The following DLG2 variants were observed in gnomAD, a reference collection of about 807,000 sequenced individuals.
DLG2 encodes the protein disks large homolog 2.
Under a neutral mutation model 132.5 loss-of-function variants are expected in DLG2, and 45 were observed. The observed-to-expected ratio is 0.34, with a 90% CI of 0.27 to 0.44. DLG2 has a LOEUF of 0.44. DLG2 is among the 20% of genes least tolerant of loss of function. DLG2 has a pLI of 1.00. For synonymous variants in DLG2, 424 were observed against 419.6 expected (o/e 1.01, Z -0.13); for missense variants, 1,045 against 1,196.9 (o/e 0.87, Z 1.87).
intron 6 of DLG2, among the ~76,000 whole-genome samples, chr11:84,816,782 A>C (rs1020492606): frequency 6.6e-6 from 1 of 151,986 alleles, no homozygotes; most frequent in African/African-American, 2.4e-5. Context: ...ATTGCCTCAG[A>C]AATAATAATA....
chr11:83,571,458 T>G (rs756906193), intron 19 of DLG2, among the ~76,000 whole-genome samples: 5 of 152,124 alleles, frequency 3.3e-5, no homozygotes, highest in Non-Finnish European at 5.9e-5. Context: ...TTTACATGAC[T>G]TTCTGAGCCT....
rs1380097607 is a variant in DLG2 at position 84,811,012 on chromosome 11, T to C, written c.358-276281A>G. Among the ~76,000 whole-genome samples, 3 of 152,142 alleles carry C rather than the reference T, an allele frequency of 2.0e-5. No individual in the cohort carries two copies. In the East Asian group the frequency reaches 5.8e-4, roughly 29 times the overall value. On this transcript the variant is annotated intron_variant, in intron 6 of 27. Coordinates refer to ENST00000376104, the MANE Select transcript of DLG2 (RefSeq NM_001142699.3). ...AAGAAAGTTATCTTCATCTTGACTG[T>C]GTAAATATTTTGATTGTAATATTGT...
intron 3 of DLG2, among the ~76,000 whole-genome samples, chr11:85,308,837 A>T (rs184922564): frequency 6.6e-6 from 1 of 152,278 alleles, no homozygotes; most frequent in Admixed American, 6.5e-5. Flanking sequence ...GACTATAGAG[A>T]GTACTTTACA....
intron 16 of DLG2, among the ~76,000 whole-genome samples, chr11:83,866,206 T>C (rs946224290): frequency 6.6e-6 from 1 of 152,178 alleles, no homozygotes; most frequent in Non-Finnish European, 1.5e-5. Context: ...ATTATATTCC[T>C]AATTGAATTT....
At chr11:83,892,407 A>C (rs1309263333) in intron 15 of DLG2, among the ~76,000 whole-genome samples, 1 of 152,222 alleles carries the variant, frequency 6.6e-6, no homozygotes, top group Admixed American at 6.5e-5. Context: ...TTTAGTATTC[A>C]TAGCCATTAG....
intron 6 of DLG2, among the ~76,000 whole-genome samples, chr11:84,543,497 T>A (rs1174047472): frequency 6.6e-6 from 1 of 152,160 alleles, no homozygotes; most frequent in Non-Finnish European, 1.5e-5. Flanking sequence ...ATTCGCTGGA[T>A]GTTTGTCTCC....
chr11:85,247,907 G>GT (rs1167208645), intron 4 of DLG2, among the ~76,000 whole-genome samples: 1 of 151,844 alleles, frequency 6.6e-6, no homozygotes, highest in East Asian at 1.9e-4. Flanking sequence ...CATTGCTTTG[G>GT]TCCCCTTCCA....
intron 15 of DLG2, among the ~76,000 whole-genome samples, chr11:83,879,562 TA>T (rs1045143704): frequency 2.0e-5 from 3 of 152,148 alleles, no homozygotes; most frequent in African/African-American, 7.2e-5. Context: ...TCACTATTCT[TA>T]AAAAGAAGAG....
At chr11:83,752,937 C>A (rs1268690357) in intron 18 of DLG2, among the ~76,000 whole-genome samples, 1 of 152,160 alleles carries the variant, frequency 6.6e-6, no homozygotes, top group African/African-American at 2.4e-5. Flanking sequence ...GGAAGCTCAG[C>A]AGCTGACAAT....
At chr11:83,989,535 A>G (rs1451894142) in intron 11 of DLG2, among the ~76,000 whole-genome samples, 1 of 152,140 alleles carries the variant, frequency 6.6e-6, no homozygotes, top group Non-Finnish European at 1.5e-5. Context: ...TTCTTAGAGG[A>G]GAAGGAGAAT....
At chr11:83,977,523 C>A (rs2092380523) in intron 12 of DLG2, among the ~76,000 whole-genome samples, 1 of 151,924 alleles carries the variant, frequency 6.6e-6, no homozygotes, top group African/African-American at 2.4e-5. Context: ...AAATTTTTGC[C>A]CTTAAGTAGT....
At chr11:85,212,735 T>C (rs1439397575) in intron 4 of DLG2, among the ~76,000 whole-genome samples, 1 of 152,266 alleles carries the variant, frequency 6.6e-6, no homozygotes, top group Middle Eastern at 3.4e-3. Flanking sequence ...AACTAAGGCA[T>C]TGAGAAGTTA....
At chr11:84,756,752 T>G (rs11234158) in intron 6 of DLG2, among the ~76,000 whole-genome samples, 1 of 152,030 alleles carries the variant, frequency 6.6e-6, no homozygotes, top group Non-Finnish European at 1.5e-5. Flanking sequence ...TTTTTTGTGA[T>G]TTTTTTTAAT....
chr11:84,965,711 A>G (rs1468207117), intron 6 of DLG2, among the ~76,000 whole-genome samples: 1 of 152,060 alleles, frequency 6.6e-6, no homozygotes, highest in Non-Finnish European at 1.5e-5. Flanking sequence ...ATGCATTTCA[A>G]TTACTAGAGG....
At chr11:83,666,671 G>GAAA (rs2075645759) in intron 18 of DLG2, among the ~76,000 whole-genome samples, 1 of 152,088 alleles carries the variant, frequency 6.6e-6, no homozygotes, top group African/African-American at 2.4e-5. Flanking sequence ...TCCCTACGTG[G>GAAA]TTACCTCTTG....
chr11:84,572,483 C>T (rs935270826), intron 6 of DLG2, among the ~76,000 whole-genome samples: 2 of 152,112 alleles, frequency 1.3e-5, no homozygotes, highest in African/African-American at 4.8e-5. Flanking sequence ...CAGAGATGAG[C>T]TATCTTACTG....
At chr11:84,259,505 C>G (rs193033609) in intron 7 of DLG2, among the ~76,000 whole-genome samples, 1 of 152,074 alleles carries the variant, frequency 6.6e-6, no homozygotes, top group African/African-American at 2.4e-5. Context: ...TACTGAGACA[C>G]GAACAGTGCT....
At chr11:85,565,687 T>G (rs2153224532) in intron 3 of DLG2, among the ~76,000 whole-genome samples, 1 of 152,250 alleles carries the variant, frequency 6.6e-6, no homozygotes, top group South Asian at 2.1e-4. Flanking sequence ...TATCAGCACT[T>G]CATTCCTTTT....
At chr11:85,308,178 A>T (rs580389) in intron 3 of DLG2, among the ~76,000 whole-genome samples, 3,281 of 143,416 alleles carry the variant, frequency 0.023, 161 homozygotes, top group Middle Eastern at 0.05. Flanking sequence ...AATAAAATAA[A>T]ATAAAATAAA....
Sources: gnomAD v4.1 joint callset for allele counts (sites outside exome capture counted in the v4.1 genomes callset) on GRCh38, gnomAD v4.1.1 for gene constraint, MANE v1.5 for transcripts, NCBI Gene and HGNC (gene_info 2026-07-23, HGNC 2026-07-21) for gene names.